Variants in PTCHD1 observed in about 807,000 individuals in gnomAD.
The protein encoded by PTCHD1 is patched domain containing 1.
PTCHD1 carries 3 observed loss-of-function variants against 34.6 expected under a neutral mutation model. That is an observed-to-expected ratio of 0.09 (90% CI 0.04 to 0.22). PTCHD1 has a LOEUF of 0.22. Ranked by LOEUF, PTCHD1 falls within the 10% of genes least tolerant of loss-of-function variation. The pLI is 1.00. For synonymous variants in PTCHD1, 305 were observed against 283.1 expected (o/e 1.08, Z -0.77); for missense variants, 504 against 685.5 (o/e 0.74, Z 2.96).
intron 1 of PTCHD1, among the ~76,000 whole-genome samples, chrX:23,358,491 G>C (rs62584512): frequency 0.14 from 15,176 of 111,503 alleles, 966 homozygotes; most frequent in South Asian, 0.26. Context: ...TTTTGATGGG[G>C]TTGTTTGTTT....
intron 1 of PTCHD1, among the ~76,000 whole-genome samples, chrX:23,342,320 TTTTTTTTTTTTTA>T (rs1292766241): frequency 0.22 from 10,327 of 47,300 alleles, 887 homozygotes; most frequent in East Asian, 0.68. Context: ...ATTTTTTTTT[TTTTTTTTTTTTTA>T]AAAGAATTGG....
At position 23,393,376 on chromosome X, in the gene PTCHD1, G is replaced by A. The variant is rs1374132186; in HGVS notation, c.1858G>A (p.Ala620Thr). 8 of 1,210,049 alleles carry A rather than the reference G, an allele frequency of 6.6e-6. No homozygotes were observed. Among genetic ancestry groups the A allele is most frequent in the Non-Finnish European group, 8.9e-6 (8 of 893,953 alleles). Residue 620 changes from alanine (A) to threonine (T), a missense_variant, in exon 3 of 3, where the codon GCC (alanine) becomes ACC (threonine). By Grantham distance (58) the Ala-to-Thr change is moderately conservative. Transcript: ENST00000379361. ...TDMLRNSFLKAPQFSHFQEDI... is the reference protein window; with the variant it reads ...TDMLRNSFLKTPQFSHFQEDI... Reference sequence around the variant, plus strand: ...CATGTTGAGGAATTCCTTTCTGAAAGCCCCTCAATTTTCACATTTTCAAGA... The same window carrying A: ...CATGTTGAGGAATTCCTTTCTGAAAACCCCTCAATTTTCACATTTTCAAGA...
chrX:23,334,807 C>G (rs993002621), upstream of PTCHD1: 2 of 689,060 alleles, frequency 2.9e-6, no homozygotes, highest in Non-Finnish European at 3.6e-6. Flanking sequence ...GCCGCCGCCG[C>G]CGCCGCCGCC....
intron 1 of PTCHD1, among the ~76,000 whole-genome samples, chrX:23,348,738 C>G (rs945069392): frequency 2.7e-5 from 3 of 111,530 alleles, no homozygotes; most frequent in African/African-American, 9.7e-5. Context: ...CTTTCTCAGA[C>G]AGAAACTGAA....
At position 23,394,871 on chromosome X, in the gene PTCHD1, T is replaced by C. The variant is rs1040386560; in HGVS notation, c.*686T>C. On this transcript the variant is annotated 3_prime_UTR_variant, in exon 3 of 3. Transcript: ENST00000379361. ...AGAATGAAATTATCATATTCCGCCA[T>C]TGGTATGCCTTTAACATTTGTATAG... 2 of 113,331 alleles carry C rather than the reference T, an allele frequency of 1.8e-5. No individual in the cohort carries two copies. The highest frequency in any genetic ancestry group is 3.7e-5 in the Non-Finnish European group (2 of 53,551). The allele number at this position is 113,331 out of a possible 1,213,427, so 9.3% of individuals were successfully genotyped here. A position where few individuals can be genotyped will look rare whatever the true frequency, so the allele number is the denominator to read the frequency against.
chrX:23,371,662 G>A (rs1433065590), intron 1 of PTCHD1, among the ~76,000 whole-genome samples: 1 of 110,906 alleles, frequency 9.0e-6, no homozygotes, highest in Non-Finnish European at 1.9e-5. Context: ...ATGAACAGAG[G>A]CAGGATTTGA....
At chrX:23,378,799 G>A (rs1360212279) in intron 1 of PTCHD1, among the ~76,000 whole-genome samples, 6 of 112,552 alleles carry the variant, frequency 5.3e-5, no homozygotes, top group South Asian at 3.7e-4. Context: ...AAATTAGTGC[G>A]TGTATTCTCC....
At chrX:23,347,915 C>T (rs1158572460) in intron 1 of PTCHD1, among the ~76,000 whole-genome samples, 1 of 111,825 alleles carries the variant, frequency 8.9e-6, no homozygotes, top group Admixed American at 9.5e-5. Context: ...GAAGCTGAGA[C>T]AGGAGGGTCA....
At chrX:23,335,608 C>T (rs1438108397) in intron 1 of PTCHD1, among the ~76,000 whole-genome samples, 3 of 112,796 alleles carry the variant, frequency 2.7e-5, no homozygotes, top group Non-Finnish European at 5.6e-5. Flanking sequence ...AGTCCTACTA[C>T]TTGAGAACAA....
In PTCHD1 at chrX:23,394,209, A is replaced by G; in HGVS notation, c.*24A>G. On this transcript the variant is annotated 3_prime_UTR_variant, in exon 3 of 3. Coordinates refer to ENST00000379361, the MANE Select transcript of PTCHD1 (RefSeq NM_173495.3). Reference sequence around the variant, plus strand: ...GATAATGTCTGCTTGGCATATTTTCACCTTAGGTCTTATCAAGACCAAAGA... The same window carrying G: ...GATAATGTCTGCTTGGCATATTTTCGCCTTAGGTCTTATCAAGACCAAAGA... 1 of 1,063,705 alleles carries G rather than the reference A, an allele frequency of 9.4e-7. No individual in the cohort carries two copies. The highest frequency in any genetic ancestry group is 1.3e-6 in the Non-Finnish European group (1 of 765,767). 87.7% of individuals were successfully genotyped at this position (1,063,705 alleles called of 1,213,427 possible). A position where few individuals can be genotyped will look rare whatever the true frequency, so the allele number is the denominator to read the frequency against.
At position 23,349,581 on chromosome X, in the gene PTCHD1, A is replaced by G. The variant is rs978359013; in HGVS notation, c.351+14355A>G. ...ATTATCAGGAATAAAGAGGTGTATT[A>G]CCTAATTATAAAGGGATCAATTCTC... On this transcript the variant is annotated intron_variant, in intron 1 of 2. Transcript: ENST00000379361. Among the ~76,000 whole-genome samples the G allele has an allele frequency of 2.5e-4, 28 of 111,840 alleles. 1 individual carries two copies. The highest frequency in any genetic ancestry group is 2.3e-3 in the Admixed American group (24 of 10,520).
At chrX:23,373,731 T>A (rs1338598891) in intron 1 of PTCHD1, among the ~76,000 whole-genome samples, 2 of 112,027 alleles carry the variant, frequency 1.8e-5, no homozygotes, top group Non-Finnish European at 3.8e-5. Context: ...ATCCATCCAC[T>A]TCAAGGTGTT....
intron 2 of PTCHD1, among the ~76,000 whole-genome samples, chrX:23,389,717 CAAG>C (rs2146649354): frequency 9.0e-6 from 1 of 111,627 alleles, no homozygotes; most frequent in Non-Finnish European, 1.9e-5. Context: ...ACACCTGTAG[CAAG>C]AAGGAAGAAC....
rs1025806072 is a variant in PTCHD1, at chrX:23,351,015, CTCTG to C, written c.351+15793_351+15796del. 3.3e-5 allele frequency: 11 copies of C among 335,454 alleles called. No homozygotes were observed. In the Admixed American group the frequency reaches 4.0e-4, roughly 12 times the overall value. 27.6% of individuals were successfully genotyped at this position (335,454 alleles called of 1,213,427 possible). On this transcript the variant is annotated intron_variant, in intron 1 of 2. Transcript: ENST00000379361. ...CATATTTTCATGGGAATCCAGTAGG[CTCTG>C]TCTACTTTTCCTATCCTGATTCAAA... is the stretch of plus-strand genomic sequence containing the variant.
In PTCHD1 at chrX:23,400,146, T is replaced by C. The variant is rs1569144841; in HGVS notation, c.*5961T>C. 1 of 111,830 alleles carries C rather than the reference T, an allele frequency of 8.9e-6. No homozygotes were observed. Among genetic ancestry groups the C allele is most frequent in the African/African-American group, 3.3e-5 (1 of 30,678 alleles). 9.2% of individuals were successfully genotyped at this position (111,830 alleles called of 1,213,427 possible). A position where few individuals can be genotyped will look rare whatever the true frequency, so the allele number is the denominator to read the frequency against. On this transcript the variant is annotated 3_prime_UTR_variant, in exon 3 of 3. Coordinates refer to ENST00000379361, the MANE Select transcript of PTCHD1 (RefSeq NM_173495.3). ...TCATTCATCTCGTTAATATTTTTAG[T>C]GGGCAAAGAAGCAACCGTGGCCATG... is the stretch of plus-strand genomic sequence containing the variant.
At position 23,379,929 on chromosome X, in the gene PTCHD1, G is replaced by A. The variant is rs1216495416; in HGVS notation, c.690G>A (p.Glu230=). The change falls in exon 2 of 3, where the codon GAG becomes GAA. Residue 230 remains glutamate, a synonymous_variant. Transcript: ENST00000379361. ...SLNDMVAERW[E]SSFCDTVRLF... ...ATGACATGGTGGCTGAGAGGTGGGA[G>A]TCCAGCTTCTGCGACACTGTCAGAC... The A allele has an allele frequency of 8.3e-7, 1 of 1,211,987 alleles. No homozygotes were observed. Among genetic ancestry groups the A allele is most frequent in the Admixed American group, 2.2e-5 (1 of 46,100 alleles).
At chrX:23,387,267 T>G (rs1399983708) in intron 2 of PTCHD1, among the ~76,000 whole-genome samples, 2 of 111,847 alleles carry the variant, frequency 1.8e-5, no homozygotes, top group African/African-American at 3.3e-5. Context: ...TAGTAGATTC[T>G]GTCTTACCGG....
At chrX:23,349,531 C>T (rs1411164944) in intron 1 of PTCHD1, among the ~76,000 whole-genome samples, 1 of 111,357 alleles carries the variant, frequency 9.0e-6, no homozygotes, top group Non-Finnish European at 1.9e-5. Flanking sequence ...TCATTTCAGA[C>T]GAAGCTAACA....
At position 23,393,750 on chromosome X, in the gene PTCHD1, A is replaced by G. The variant is rs750790188; in HGVS notation, c.2232A>G (p.Leu744=). The change falls in exon 3 of 3, where the codon TTA becomes TTG. Residue 744 remains leucine (L), a synonymous_variant. Coordinates refer to ENST00000379361, the MANE Select transcript of PTCHD1 (RefSeq NM_173495.3). ...VEFGVIGFMT[L]WKVELDCISV... is the part of the protein sequence containing the mutation. ...TTGGAGTGATAGGTTTCATGACATT[A>G]TGGAAAGTAGAACTGGACTGCATTT... 2 of 1,211,655 alleles carry G rather than the reference A, an allele frequency of 1.7e-6. No individual in the cohort carries two copies. Among genetic ancestry groups the G allele is most frequent in the African/African-American group, 3.5e-5 (2 of 57,829 alleles).
Sources: allele counts gnomAD v4.1 joint callset (sites outside exome capture counted in the v4.1 genomes callset), GRCh38; gene constraint gnomAD v4.1.1; transcripts MANE v1.5; gene names NCBI Gene and HGNC (gene_info 2026-07-23, HGNC 2026-07-21).